The following PDE10A variants were observed in gnomAD, a reference collection of about 807,000 sequenced individuals.
The protein encoded by PDE10A is phosphodiesterase 10A, also known as cAMP and cAMP-inhibited cGMP 3',5'-cyclic phosphodiesterase 10A.
A neutral mutation model predicts 97.7 loss-of-function variants in PDE10A; 39 were observed. That is an observed-to-expected ratio of 0.40 (90% CI 0.31 to 0.52). The LOEUF is 0.52. PDE10A is among the 20% of genes least tolerant of loss of function. The pLI is 0.56. For missense variants in PDE10A, 731 were observed against 1,047.8 expected (o/e 0.70, Z 4.17); for synonymous variants, 371 against 376.8 (o/e 0.98, Z 0.18).
At chr6:165,676,234 G>A (rs572118678) in intron 1 of PDE10A, among the ~76,000 whole-genome samples, 32 of 152,310 alleles carry the variant, frequency 2.1e-4, no homozygotes, top group African/African-American at 7.2e-4. Flanking sequence ...AGAAGGGTGG[G>A]AAAGTGGGAG....
At chr6:165,720,398 G>C (rs1390046376) in intron 1 of PDE10A, among the ~76,000 whole-genome samples, 1 of 152,156 alleles carries the variant, frequency 6.6e-6, no homozygotes, top group East Asian at 1.9e-4. Context: ...GGCCAGCAGA[G>C]GTTTTGCTGA....
chr6:165,979,163 G>A (rs1784933783), intron 1 of PDE10A, among the ~76,000 whole-genome samples: 1 of 152,196 alleles, frequency 6.6e-6, no homozygotes, highest in African/African-American at 2.4e-5. Flanking sequence ...TTGAAAGCAG[G>A]GATACAGGCT....
chr6:165,399,836 G>T (rs567743752), intron 13 of PDE10A, among the ~76,000 whole-genome samples: 1 of 152,274 alleles, frequency 6.6e-6, no homozygotes, highest in African/African-American at 2.4e-5. Context: ...TGTTGGACAT[G>T]TGGCTTGGTT....
At chr6:165,706,280 CT>C (rs2128444833) in intron 1 of PDE10A, among the ~76,000 whole-genome samples, 1 of 152,126 alleles carries the variant, frequency 6.6e-6, no homozygotes, top group East Asian at 1.9e-4. Context: ...AATGATTTCC[CT>C]TTGCCTTAAT....
intron 1 of PDE10A, among the ~76,000 whole-genome samples, chr6:165,801,619 A>T (rs1029634319): frequency 6.6e-6 from 1 of 152,212 alleles, no homozygotes; most frequent in African/African-American, 2.4e-5. Flanking sequence ...GGACATGTTA[A>T]TTGTCTCAAG....
intron 1 of PDE10A, among the ~76,000 whole-genome samples, chr6:165,549,868 A>G (rs1395128242): frequency 6.6e-6 from 1 of 152,204 alleles, no homozygotes; most frequent in Non-Finnish European, 1.5e-5. Flanking sequence ...TCATTCTAAG[A>G]AAGAATGTTA....
At chr6:165,780,227 C>G (rs1778306847) in intron 1 of PDE10A, 1 of 152,102 alleles carries the variant, frequency 6.6e-6, no homozygotes, top group South Asian at 2.1e-4. Context: ...TGCAATAAAA[C>G]AGAATACTCT....
Position 165,489,980 on chromosome 6 carries a change from C to T in PDE10A, c.995-7637G>A, listed in dbSNP as rs374960416. Among the ~76,000 whole-genome samples, 117 of 152,262 alleles carry T rather than the reference C, an allele frequency of 7.7e-4. No homozygotes were observed. In the Middle Eastern group the frequency reaches 0.01, roughly 13 times the overall value. On this transcript the variant is annotated intron_variant, in intron 2 of 21. Coordinates refer to ENST00000539869, the MANE Select transcript of PDE10A (RefSeq NM_001385079.1). The stretch of plus-strand genomic sequence containing the variant: ...ACCAAACCTAAGAATAATTGGTGTT[C>T]CTGAGGAAGAAAATAAATCTAAAAG...
chr6:165,912,410 C>A (rs571195553), intron 1 of PDE10A, among the ~76,000 whole-genome samples: 1 of 152,284 alleles, frequency 6.6e-6, no homozygotes, highest in East Asian at 1.9e-4. Flanking sequence ...GAATCCAAGT[C>A]TTGATGGGAG....
At chr6:165,562,881 G>A (rs1358831595) in intron 1 of PDE10A, among the ~76,000 whole-genome samples, 1 of 152,022 alleles carries the variant, frequency 6.6e-6, no homozygotes, top group African/African-American at 2.4e-5. Flanking sequence ...AAGAGGAAGG[G>A]GGTACCAGTG....
At chr6:165,487,636 T>C (rs471544) in intron 2 of PDE10A, among the ~76,000 whole-genome samples, 44,056 of 151,968 alleles carry the variant, frequency 0.29, 6,755 homozygotes, top group African/African-American at 0.39. Flanking sequence ...CAGTCACTAG[T>C]GATATTACAT....
intron 13 of PDE10A, among the ~76,000 whole-genome samples, chr6:165,402,269 A>T (rs1246907874): frequency 6.6e-6 from 1 of 152,068 alleles, no homozygotes; most frequent in East Asian, 1.9e-4. Flanking sequence ...GTAAAAATTT[A>T]AATTAAAATT....
In PDE10A at chr6:165,465,270, G is replaced by T. The variant is rs948907339; in HGVS notation, c.1024-14908C>A. 2.6e-5 allele frequency among the ~76,000 whole-genome samples: 4 copies of T among 152,202 alleles called. No individual in the cohort carries two copies. In the South Asian group the frequency reaches 6.2e-4, roughly 24 times the overall value. On this transcript the variant is annotated intron_variant, in intron 3 of 21. Coordinates refer to ENST00000539869, the MANE Select transcript of PDE10A (RefSeq NM_001385079.1). ...AAATCTGCGAGCTACACAGGTATAG[G>T]TGGAAAAGCTTGGGGGTAACACAGA... is the stretch of plus-strand genomic sequence containing the variant.
At chr6:165,513,328 T>G (rs1211559392) in intron 2 of PDE10A, among the ~76,000 whole-genome samples, 1 of 152,146 alleles carries the variant, frequency 6.6e-6, no homozygotes, top group Admixed American at 6.5e-5. Flanking sequence ...TTGGCATCTT[T>G]GTTGAAAGTG....
At chr6:165,964,605 C>T (rs895386393) in intron 1 of PDE10A, among the ~76,000 whole-genome samples, 6 of 152,146 alleles carry the variant, frequency 3.9e-5, no homozygotes, top group African/African-American at 1.2e-4. Flanking sequence ...ACGGAATGCT[C>T]CCTATGTGCC....
chr6:165,906,279 G>A (rs971876088), intron 1 of PDE10A, among the ~76,000 whole-genome samples: 13 of 151,250 alleles, frequency 8.6e-5, no homozygotes, highest in Admixed American at 1.3e-4. Flanking sequence ...GAAGCTCTCC[G>A]TTTAGCTTTC....
At chr6:165,914,274 A>G (rs1782544429) in intron 1 of PDE10A, among the ~76,000 whole-genome samples, 1 of 152,230 alleles carries the variant, frequency 6.6e-6, no homozygotes, top group South Asian at 2.1e-4. Context: ...AACTTAGAAG[A>G]CAGACGGACA....
chr6:165,878,660 T>C (rs1468943117), intron 1 of PDE10A, among the ~76,000 whole-genome samples: 4 of 152,172 alleles, frequency 2.6e-5, no homozygotes, highest in Non-Finnish European at 5.9e-5. Flanking sequence ...CCTGTGAATA[T>C]GGAGCTTCAC....
intron 1 of PDE10A, among the ~76,000 whole-genome samples, chr6:165,805,983 C>T (rs1271211933): frequency 6.9e-6 from 1 of 144,106 alleles, no homozygotes. Flanking sequence ...GCGCCTGCTT[C>T]CTCAGTCCCT....
Sources: allele counts gnomAD v4.1 joint callset (sites outside exome capture counted in the v4.1 genomes callset), GRCh38; gene constraint gnomAD v4.1.1; transcripts MANE v1.5; gene names NCBI Gene and HGNC (gene_info 2026-07-23, HGNC 2026-07-21).